The following CD8B variants were observed in gnomAD, a reference collection of about 807,000 sequenced individuals.
CD8B encodes T-cell surface glycoprotein CD8 beta chain.
CD8B carries 6 observed loss-of-function variants against 24.2 expected under a neutral mutation model. The observed-to-expected ratio is 0.25, with a 90% CI of 0.14 to 0.49. The LOEUF is 0.49. CD8B is among the 20% of genes least tolerant of loss of function. CD8B has a pLI of 0.98. For synonymous variants in CD8B, 84 were observed against 108.3 expected (o/e 0.78, Z 1.39); for missense variants, 196 against 271.3 (o/e 0.72, Z 1.95).
chr2:86,846,423 G>A (rs1389745847), intron 4 of CD8B, among the ~76,000 whole-genome samples: 1 of 152,076 alleles, frequency 6.6e-6, no homozygotes, highest in Non-Finnish European at 1.5e-5. Context: ...GGCAGCCGAG[G>A]CTCAGAGAGA....
chr2:86,855,750 T>C (rs1676205096), intron 2 of CD8B, among the ~76,000 whole-genome samples: 1 of 152,196 alleles, frequency 6.6e-6, no homozygotes. Flanking sequence ...CTGTTTGACT[T>C]ATTTTCTACC....
intron 5 of CD8B, among the ~76,000 whole-genome samples, chr2:86,832,728 A>G (rs62146087): frequency 0.32 from 48,872 of 151,776 alleles, 8,366 homozygotes; most frequent in Non-Finnish European, 0.39. Flanking sequence ...TGGGAATTAG[A>G]CAATGCAAGG....
intron 5 of CD8B, among the ~76,000 whole-genome samples, chr2:86,843,159 C>G (rs571055187): frequency 6.6e-6 from 1 of 152,090 alleles, no homozygotes; most frequent in Non-Finnish European, 1.5e-5. Flanking sequence ...ATGGTGTGAT[C>G]TCTGCTCATT....
intron 3 of CD8B, among the ~76,000 whole-genome samples, chr2:86,848,153 TA>T: frequency 1.3e-5 from 2 of 152,214 alleles, no homozygotes; most frequent in Non-Finnish European, 2.9e-5. Flanking sequence ...CGGGAACTAC[TA>T]AACCACAGAC....
intron 4 of CD8B, among the ~76,000 whole-genome samples, chr2:86,845,656 C>A (rs1192599672): frequency 1.3e-5 from 2 of 152,160 alleles, no homozygotes; most frequent in Non-Finnish European, 2.9e-5. Context: ...CCAACTGCTG[C>A]ATTTACTTTA....
chr2:86,860,586 G>T (rs1228298569), intron 1 of CD8B, among the ~76,000 whole-genome samples: 1 of 152,184 alleles, frequency 6.6e-6, no homozygotes, highest in Non-Finnish European at 1.5e-5. Context: ...GAGGGTTAAA[G>T]ATGTGCTCAA....
At chr2:86,847,024 G>A (rs1175679268) in intron 3 of CD8B, among the ~76,000 whole-genome samples, 2 of 129,536 alleles carry the variant, frequency 1.5e-5, no homozygotes, top group Non-Finnish European at 3.1e-5. Flanking sequence ...TGCAACTTCC[G>A]CCTCCTGGGT....
rs1675418178 is a variant in CD8B at position 86,841,482 on chromosome 2, A to C, written c.*825T>G. The C allele has an allele frequency of 3.4e-6, 2 of 595,488 alleles. No homozygotes were observed. Among genetic ancestry groups the C allele is most frequent in the South Asian group, 1.4e-4 (2 of 13,838 alleles). 36.9% of individuals were successfully genotyped at this position (595,488 alleles called of 1,614,324 possible). A position where few individuals can be genotyped will look rare whatever the true frequency, so the allele number is the denominator to read the frequency against. ...CGGGCAAATGAGGATCTCAGGTGCAAAAGGAGGATGTACAAATTTTCTCCT... is the reference window on the plus strand; with the variant it reads ...CGGGCAAATGAGGATCTCAGGTGCACAAGGAGGATGTACAAATTTTCTCCT... On this transcript the variant is annotated 3_prime_UTR_variant, in exon 6 of 6. Transcript: ENST00000390655.
At chr2:86,847,551 G>A (rs1055936871) in intron 3 of CD8B, among the ~76,000 whole-genome samples, 3 of 151,764 alleles carry the variant, frequency 2.0e-5, no homozygotes, top group African/African-American at 7.3e-5. Flanking sequence ...TTGTTCGTTT[G>A]TTTGTTTGTT....
chr2:86,836,644 T>C (rs1675189615), downstream of CD8B, among the ~76,000 whole-genome samples: 1 of 151,434 alleles, frequency 6.6e-6, no homozygotes, highest in African/African-American at 2.4e-5. Flanking sequence ...AAAAATTAGC[T>C]GGGCATGCTG....
At chr2:86,861,781 G>T (rs1053542081) in intron 1 of CD8B, 42 bp downstream of exon 1, 3 of 1,248,344 alleles carry the variant, frequency 2.4e-6, no homozygotes, top group Non-Finnish European at 3.0e-6. Flanking sequence ...CTCAGGCCCC[G>T]GGAGCGCAGA....
At chr2:86,837,942 CA>C (rs1675246372), downstream of CD8B, among the ~76,000 whole-genome samples, 3 of 152,190 alleles carry the variant, frequency 2.0e-5, no homozygotes, top group African/African-American at 7.2e-5. Context: ...CCACCCCTGC[CA>C]CGAGCCCAGC....
intron 4 of CD8B, among the ~76,000 whole-genome samples, chr2:86,845,760 C>G (rs981948176): frequency 2.0e-5 from 3 of 152,138 alleles, no homozygotes; most frequent in Non-Finnish European, 4.4e-5. Flanking sequence ...CTTCCTTGAT[C>G]GAGAGAGTTT....
At chr2:86,846,569 G>C (rs1197210629) in intron 4 of CD8B, 115 bp downstream of exon 4, 4 of 618,200 alleles carry the variant, frequency 6.5e-6, no homozygotes, top group Non-Finnish European at 1.1e-5. Flanking sequence ...TAGGTTCTCT[G>C]AGGCAAATTC....
chr2:86,834,935 CAAAAAAAAA>C (rs59354571), downstream of CD8B, among the ~76,000 whole-genome samples: 12 of 93,948 alleles, frequency 1.3e-4, no homozygotes, highest in Non-Finnish European at 1.4e-4. Flanking sequence ...AACTCTGTCT[CAAAAAAAAA>C]AAAAAAAAAA....
intron 5 of CD8B, among the ~76,000 whole-genome samples, chr2:86,826,434 C>T (rs1011219010): frequency 1.3e-5 from 2 of 152,098 alleles, no homozygotes; most frequent in Non-Finnish European, 2.9e-5. Flanking sequence ...CAGGAACCAC[C>T]AATCGATTCT....
chr2:86,837,805 A>AG (rs1323250696), downstream of CD8B, among the ~76,000 whole-genome samples: 2 of 35,856 alleles, frequency 5.6e-5, no homozygotes, highest in East Asian at 7.3e-4. Context: ...GGGCGGGGGG[A>AG]GGGGGGAACA....
intron 5 of CD8B, among the ~76,000 whole-genome samples, chr2:86,816,315 G>A (rs1218005628): frequency 6.6e-6 from 1 of 152,124 alleles, no homozygotes; most frequent in Non-Finnish European, 1.5e-5. Flanking sequence ...CTCCTCCGGG[G>A]TACTTTATAA....
chr2:86,861,374 G>A (rs569376498), intron 1 of CD8B, among the ~76,000 whole-genome samples: 2 of 151,988 alleles, frequency 1.3e-5, no homozygotes, highest in South Asian at 4.2e-4. Flanking sequence ...GAGAACGCCC[G>A]ATGTTTGTCT....
Sources: allele counts gnomAD v4.1 joint callset (sites outside exome capture counted in the v4.1 genomes callset), GRCh38; gene constraint gnomAD v4.1.1; transcripts MANE v1.5; gene names NCBI Gene and HGNC (gene_info 2026-07-23, HGNC 2026-07-21).